JPH3: variants seen among roughly 807,000 people sequenced by gnomAD.
JPH3 encodes the protein junctophilin 3, also known as junctophilin-3.
In JPH3, 11 loss-of-function variants were observed where a neutral mutation model predicts 59.6. The ratio of observed to expected loss-of-function variants is 0.18; its 90% CI spans 0.12 to 0.31. JPH3 has a LOEUF of 0.31. Among genes scored for constraint, JPH3 ranks in the 10% least tolerant of loss-of-function variants. JPH3 has a pLI of 1.00. For synonymous variants in JPH3, 673 were observed against 483.6 expected, an observed-to-expected ratio of 1.39 and a Z score of -5.14; for missense variants, 1,202 against 1,105.7, an observed-to-expected ratio of 1.09 and a Z score of -1.24.
chr16:87,677,704 G>T (rs1327227526), intron 2 of JPH3, among the ~76,000 whole-genome samples: 1 of 152,190 alleles, frequency 6.6e-6, no homozygotes, highest in East Asian at 1.9e-4. Context: ...CAAAGGAATT[G>T]GCTGGGCTGG....
At chr16:87,668,506 GTC>G (rs2032933227) in intron 2 of JPH3, among the ~76,000 whole-genome samples, 1 of 151,918 alleles carries the variant, frequency 6.6e-6, no homozygotes, top group Non-Finnish European at 1.5e-5. Flanking sequence ...GGCGTGGCCC[GTC>G]ACACTCATCC....
intron 1 of JPH3, among the ~76,000 whole-genome samples, chr16:87,631,660 CTT>C (rs2031570682): frequency 6.6e-6 from 1 of 152,170 alleles, no homozygotes. Flanking sequence ...CTGTTTAAAT[CTT>C]TGCCCATTTT....
chr16:87,690,002 C>T lies in JPH3; in HGVS notation c.1642C>T (p.Arg548Cys). ...GSRGVRSGAL[R>C]GGLLVDDFRT... The stretch of plus-strand genomic sequence containing the variant: ...CAGGGGTGTCCGCAGCGGTGCCCTG[C>T]GCGGCGGCCTGCTCGTGGATGACTT... Residue 548 changes from arginine to cysteine, a missense_variant, in exon 4 of 5, where the codon CGC (arginine) becomes TGC (cysteine). Coordinates refer to ENST00000284262, the MANE Select transcript of JPH3 (RefSeq NM_020655.4). The T allele has an allele frequency of 4.0e-6, 6 of 1,506,808 alleles. No homozygotes were observed. Among genetic ancestry groups the T allele is most frequent in the Non-Finnish European group, 4.4e-6 (5 of 1,127,462 alleles). The allele number at this position is 1,506,808 out of a possible 1,614,324, so 93.3% of individuals were successfully genotyped here.
chr16:87,693,333 C>T (rs2033659609), intron 4 of JPH3, among the ~76,000 whole-genome samples: 1 of 152,218 alleles, frequency 6.6e-6, no homozygotes, highest in Non-Finnish European at 1.5e-5. Flanking sequence ...TTACAAAGCC[C>T]TTTGCTGACT....
chr16:87,603,897 C>G (rs1470211173), intron 1 of JPH3, among the ~76,000 whole-genome samples: 2 of 152,256 alleles, frequency 1.3e-5, no homozygotes, highest in African/African-American at 4.8e-5. Context: ...GGCCCCTCCC[C>G]TTGTTGGCTT....
chr16:87,682,290 G>C (rs2033315259), intron 2 of JPH3, among the ~76,000 whole-genome samples: 1 of 152,194 alleles, frequency 6.6e-6, no homozygotes, highest in South Asian at 2.1e-4. Context: ...CATCTTTCAT[G>C]AACAGTGTGT....
chr16:87,680,802 G>T (rs2033270156), intron 2 of JPH3, among the ~76,000 whole-genome samples: 1 of 152,202 alleles, frequency 6.6e-6, no homozygotes. Flanking sequence ...TGTCTGGATT[G>T]GTTTTATTTT....
intron 4 of JPH3, chr16:87,695,602 C>G (rs1295461093): frequency 2.2e-6 from 1 of 455,858 alleles, no homozygotes; most frequent in African/African-American, 2.0e-5. Flanking sequence ...GTGGGTGTCC[C>G]AGCCATTCCT....
intron 2 of JPH3, among the ~76,000 whole-genome samples, chr16:87,658,376 C>G (rs910116533): frequency 6.6e-6 from 1 of 151,400 alleles, no homozygotes. Context: ...CTCCCCCTCT[C>G]TTTTTCCCTT....
intron 1 of JPH3, among the ~76,000 whole-genome samples, chr16:87,625,568 C>CGAG (rs140291398): frequency 2.1e-4 from 32 of 152,176 alleles, no homozygotes; most frequent in African/African-American, 7.5e-4. Flanking sequence ...AAGGAAGTGG[C>CGAG]GAGGAGGAGG....
chr16:87,692,266 A>C (rs1244475030), intron 4 of JPH3, among the ~76,000 whole-genome samples: 1 of 144,602 alleles, frequency 6.9e-6, no homozygotes, highest in Non-Finnish European at 1.5e-5. Flanking sequence ...CAGGTCTGTG[A>C]GGGGAGATGG....
chr16:87,648,840 G>A (rs540033744), intron 2 of JPH3, among the ~76,000 whole-genome samples: 3 of 152,302 alleles, frequency 2.0e-5, no homozygotes, highest in Admixed American at 2.0e-4. Flanking sequence ...CAGGCCCCAC[G>A]CCCCAGACTT....
intron 2 of JPH3, among the ~76,000 whole-genome samples, chr16:87,651,081 A>C (rs1239947689): frequency 6.6e-6 from 1 of 152,234 alleles, no homozygotes. Flanking sequence ...TGTTCATTGA[A>C]CATTCCAAAA....
Position 87,690,233 on chromosome 16 carries a change from C to T in JPH3, c.1873C>T (p.Pro625Ser). 1.2e-6 allele frequency: 2 copies of T among 1,604,748 alleles called. No homozygotes were observed. Among genetic ancestry groups the T allele is most frequent in the Non-Finnish European group, 8.5e-7 (1 of 1,176,224 alleles). Residue 625 changes from proline (P) to serine (S), a missense_variant, in exon 4 of 5, where the codon CCC becomes TCC. By Grantham distance (74) the Pro-to-Ser change is moderately conservative (BLOSUM62 -1). Transcript: ENST00000284262. ...MKPLLRMETH[P>S]QKRRYSKGGA... ...ACCCTTGCTGAGGATGGAGACGCAT[C>T]CCCAGAAAAGACGCTACAGCAAGGG...
intron 2 of JPH3, among the ~76,000 whole-genome samples, chr16:87,677,199 CACACACACACACACACACACACACACAA>C (rs1567610720): frequency 8.4e-6 from 1 of 118,834 alleles, no homozygotes; most frequent in Admixed American, 8.9e-5. Flanking sequence ...CACACACACA[CACACACACACACACACACACACACACAA>C]AAAAAAAAAT....
intron 2 of JPH3, among the ~76,000 whole-genome samples, chr16:87,649,900 C>A (rs1328445765): frequency 1.3e-5 from 2 of 152,214 alleles, no homozygotes; most frequent in Non-Finnish European, 2.9e-5. Context: ...AAAGCTCAGC[C>A]AGGATTTGAT....
chr16:87,680,338 G>A (rs1004002483), intron 2 of JPH3, among the ~76,000 whole-genome samples: 5 of 88,254 alleles, frequency 5.7e-5, no homozygotes, highest in African/African-American at 1.2e-4. Flanking sequence ...GAAGGGCTGC[G>A]GCGTGTGGAG....
chr16:87,656,948 C>G (rs1020877051), intron 2 of JPH3, among the ~76,000 whole-genome samples: 1 of 152,130 alleles, frequency 6.6e-6, no homozygotes, highest in Non-Finnish European at 1.5e-5. Flanking sequence ...GAGAGGATCT[C>G]CCTCTCCTCC....
chr16:87,644,688 C>T lies in JPH3; in HGVS notation c.813C>T (p.Ala271=), dbSNP rs140676785. Residue 271 remains alanine (A), a synonymous_variant, in exon 2 of 5, where the codon GCC becomes GCT. Transcript: ENST00000284262. ...CCATCAGCCTGGGCGAGGCTGAGGC[C>T]GAGCTGGCGGTCATCGAGGACGACA... ...HSTISLGEAE[A]ELAVIEDDID... 4.6e-4 allele frequency: 741 copies of T among 1,612,096 alleles called. 3 individuals are homozygous for T. The East Asian group carries it at 8.9e-3, about 19-fold the overall frequency.
Sources: allele counts gnomAD v4.1 joint callset (sites outside exome capture counted in the v4.1 genomes callset), GRCh38; gene constraint gnomAD v4.1.1; transcripts MANE v1.5; gene names NCBI Gene and HGNC (gene_info 2026-07-23, HGNC 2026-07-21).